ATP2B2: variants seen among roughly 807,000 people sequenced by gnomAD.
ATP2B2 encodes plasma membrane calcium-transporting ATPase 2.
ATP2B2 carries 15 observed loss-of-function variants against 120.0 expected under a neutral mutation model. The ratio of observed to expected loss-of-function variants is 0.12; its 90% CI spans 0.08 to 0.19. The LOEUF is 0.19. ATP2B2 is among the 10% of genes least tolerant of loss of function. The pLI, the probability that ATP2B2 is intolerant of heterozygous loss-of-function variation, is 1.00. For synonymous variants in ATP2B2, 694 were observed against 700.3 expected, an observed-to-expected ratio of 0.99 and a Z score of 0.14; for missense variants, 1,045 against 1,719.8, an observed-to-expected ratio of 0.61 and a Z score of 6.94.
chr3:10,682,129 C>A lies in ATP2B2; in HGVS notation c.-460+25786G>T, dbSNP rs1021420413. On this transcript the variant is annotated intron_variant, in intron 1 of 21. Coordinates refer to the ATP2B2 transcript ENST00000646379. ...ATCCCTTGTTCTTTCAATATTGATT[C>A]CATAACACGAGACTGATGGAAAGAA... Among the ~76,000 whole-genome samples the A allele has an allele frequency of 6.6e-5, 10 of 152,166 alleles. No individual in the cohort carries two copies. In the East Asian group the frequency reaches 1.9e-3, roughly 29 times the overall value.
chr3:10,441,160 C>T (rs1236171509), intron 2 of ATP2B2, among the ~76,000 whole-genome samples: 1 of 152,142 alleles, frequency 6.6e-6, no homozygotes, highest in Non-Finnish European at 1.5e-5. Context: ...TTCCTCCTTC[C>T]TCCCCCTGGC....
chr3:10,695,171 A>G (rs554985297), intron 1 of ATP2B2, among the ~76,000 whole-genome samples: 1 of 150,388 alleles, frequency 6.6e-6, no homozygotes, highest in South Asian at 2.1e-4. Flanking sequence ...GTGGCTGGGG[A>G]AGCCTCACAA....
At chr3:10,423,123 GA>G (rs1264172636) in intron 2 of ATP2B2, among the ~76,000 whole-genome samples, 9 of 152,200 alleles carry the variant, frequency 5.9e-5, no homozygotes, top group Non-Finnish European at 8.8e-5. Flanking sequence ...GATACCCAGA[GA>G]AATCTGAATT....
At chr3:10,705,198 C>T (rs1332238577) in intron 1 of ATP2B2, among the ~76,000 whole-genome samples, 1 of 152,188 alleles carries the variant, frequency 6.6e-6, no homozygotes, top group Non-Finnish European at 1.5e-5. Context: ...TCAAATCTTC[C>T]AAACATCCTT....
At chr3:10,557,839 G>C (rs1325914407) in intron 2 of ATP2B2, among the ~76,000 whole-genome samples, 2 of 152,192 alleles carry the variant, frequency 1.3e-5, no homozygotes, top group Admixed American at 1.3e-4. Flanking sequence ...CTAAGAACAG[G>C]AAGGTGAGTC....
intron 1 of ATP2B2, among the ~76,000 whole-genome samples, chr3:10,503,748 A>G (rs956684068): frequency 6.6e-6 from 1 of 152,228 alleles, no homozygotes; most frequent in African/African-American, 2.4e-5. Context: ...TCAGAGCCCC[A>G]CATGTGTGTG....
chr3:10,632,184 T>TA (rs2069883383), intron 1 of ATP2B2, among the ~76,000 whole-genome samples: 1 of 152,188 alleles, frequency 6.6e-6, no homozygotes, highest in South Asian at 2.1e-4. Context: ...AAATGACATA[T>TA]AAAAGTGTAG....
chr3:10,456,769 T>C (rs1052587940), intron 1 of ATP2B2, among the ~76,000 whole-genome samples: 2 of 152,248 alleles, frequency 1.3e-5, no homozygotes, highest in Admixed American at 6.5e-5. Flanking sequence ...CCTTCTGTTC[T>C]GGTCTTGATG....
At position 10,332,616 on chromosome 3, in the gene ATP2B2, C is replaced by T. The variant is rs188952563; in HGVS notation, c.3421-3491G>A. Among the ~76,000 whole-genome samples the T allele has an allele frequency of 4.6e-5, 7 of 152,224 alleles. No individual in the cohort carries two copies. The East Asian group carries it at 5.8e-4, about 13-fold the overall frequency. On this transcript the variant is annotated intron_variant, in intron 22 of 22. Transcript: ENST00000360273. Reference sequence around the variant, plus strand: ...TCCCTGGAGGACTGACTCCTTTTCACGATATGAGGCTGTGGGCGTGGGCAC... The same window carrying T: ...TCCCTGGAGGACTGACTCCTTTTCATGATATGAGGCTGTGGGCGTGGGCAC...
chr3:10,491,224 ATTT>A (rs3077070), intron 1 of ATP2B2, among the ~76,000 whole-genome samples: 69 of 119,974 alleles, frequency 5.8e-4, no homozygotes, highest in Admixed American at 2.5e-3. Flanking sequence ...CCTTCATTCC[ATTT>A]TTTTTTTTTT....
chr3:10,494,428 G>T (rs1225212240), intron 1 of ATP2B2, among the ~76,000 whole-genome samples: 1 of 152,174 alleles, frequency 6.6e-6, no homozygotes, highest in Non-Finnish European at 1.5e-5. Context: ...AGGTCACATA[G>T]CTCGGAAGTG....
intron 2 of ATP2B2, among the ~76,000 whole-genome samples, chr3:10,591,549 C>T (rs2068644847): frequency 1.3e-5 from 2 of 152,172 alleles, no homozygotes; most frequent in South Asian, 4.2e-4. Flanking sequence ...ATCCATGGAT[C>T]CACCACTTCC....
chr3:10,399,905 G>A (rs779062580), intron 5 of ATP2B2, among the ~76,000 whole-genome samples: 1 of 152,192 alleles, frequency 6.6e-6, no homozygotes, highest in Non-Finnish European at 1.5e-5. Flanking sequence ...TTCCTCACAC[G>A]TCTACTGTGG....
chr3:10,599,171 C>T (rs2068839438), intron 2 of ATP2B2, among the ~76,000 whole-genome samples: 1 of 152,220 alleles, frequency 6.6e-6, no homozygotes, highest in South Asian at 2.1e-4. Flanking sequence ...CAGGCAGCTC[C>T]CTGCCCCTGC....
chr3:10,371,936 A>G lies in ATP2B2; in HGVS notation c.1532T>C (p.Val511Ala). The change falls in exon 12 of 23, where the codon GTG becomes GCG. Residue 511 changes from valine to alanine, a missense_variant. Physicochemically the swap from Val to Ala is moderately conservative, Grantham distance 64 (BLOSUM62 0). Around this residue, in one of 11 missense-constraint regions of ATP2B2, gnomAD observed 343 missense variants for 536.8 expected, o/e 0.64. Transcript: ENST00000360273. ...GACGTCGCCGACATAGGCCTGTACC[A>G]CTGTCATGCGATTGGTGGTCAGCGT... ...TGTLTTNRMT[V>A]VQAYVGDVHY... 1 of 1,614,166 alleles carries G rather than the reference A, an allele frequency of 6.2e-7. No homozygotes were observed.
intron 21 of ATP2B2, 94 bp from the exon 22 acceptor site, chr3:10,338,452 CGCT>C: frequency 7.3e-7 from 1 of 1,371,540 alleles, no homozygotes. Context: ...TCCTCCTACC[CGCT>C]CACCCAGGCA....
chr3:10,659,162 G>A lies in ATP2B2; in HGVS notation c.-459-39201C>T, dbSNP rs1022905027. On this transcript the variant is annotated intron_variant, in intron 1 of 21. Coordinates refer to the ATP2B2 transcript ENST00000646379. Reference sequence around the variant, plus strand: ...AACATGCCAAATTGTAAAGACCATCGATGCTAGGAAGAAACTGCATCAACT... The same window carrying A: ...AACATGCCAAATTGTAAAGACCATCAATGCTAGGAAGAAACTGCATCAACT... Among the ~76,000 whole-genome samples, 30 of 152,244 alleles carry A rather than the reference G, an allele frequency of 2.0e-4. No homozygotes were observed. In the South Asian group the frequency reaches 5.2e-3, roughly 26 times the overall value.
At chr3:10,379,335 C>A in intron 8 of ATP2B2, 51 bp from the exon 9 acceptor site, 1 of 1,592,096 alleles carries the variant, frequency 6.3e-7, no homozygotes, top group South Asian at 1.1e-5. Context: ...AACACATGGT[C>A]GGTCATCACG....
Position 10,675,481 on chromosome 3 carries a change from C to T in ATP2B2, c.-460+32434G>A, listed in dbSNP as rs576853326. Reference sequence around the variant, plus strand: ...TCACAGGAATAAAGAGTGAATCAGGCCACATATGTTTTCAGCCATAAAAAC... The same window carrying T: ...TCACAGGAATAAAGAGTGAATCAGGTCACATATGTTTTCAGCCATAAAAAC... On this transcript the variant is annotated intron_variant, in intron 1 of 21. Transcript: ENST00000646379. Among the ~76,000 whole-genome samples, 2 of 152,300 alleles carry T rather than the reference C, an allele frequency of 1.3e-5. 1 individual carries two copies. The highest frequency in any genetic ancestry group is 4.8e-5 in the African/African-American group (2 of 41,568).
Sources: allele counts gnomAD v4.1 joint callset (sites outside exome capture counted in the v4.1 genomes callset), GRCh38; gene constraint gnomAD v4.1.1; regional missense constraint gnomAD v4.1.1; transcripts MANE v1.5; gene names NCBI Gene and HGNC (gene_info 2026-07-23, HGNC 2026-07-21).